Variants in INPP4B observed in about 807,000 individuals in gnomAD.
The protein encoded by INPP4B is inositol polyphosphate 4-phosphatase type II.
In INPP4B, 55 loss-of-function variants were observed where a neutral mutation model predicts 122.5. The ratio of observed to expected loss-of-function variants is 0.45; its 90% confidence interval spans 0.36 to 0.56. The LOEUF (loss-of-function observed/expected upper bound fraction) is 0.56, where lower values mean the gene tolerates loss of function less well. Among genes scored for constraint, INPP4B ranks in the 20% least tolerant of loss-of-function variants. INPP4B has a pLI of 0.00. For synonymous variants in INPP4B, 403 were observed against 388.7 expected (o/e 1.04, Z -0.43); for missense variants, 1,000 against 1,097.7 (o/e 0.91, Z 1.26).
intron 9 of INPP4B, among the ~76,000 whole-genome samples, chr4:142,291,185 C>G (rs1319442038): frequency 6.6e-6 from 1 of 152,128 alleles, no homozygotes; most frequent in East Asian, 1.9e-4. Context: ...ATTCATTAAT[C>G]ATGTCTTCTA....
intron 16 of INPP4B, among the ~76,000 whole-genome samples, chr4:142,165,565 C>T (rs1214047782): frequency 2.0e-5 from 3 of 151,696 alleles, no homozygotes; most frequent in African/African-American, 7.3e-5. Flanking sequence ...TAAAGTCCCC[C>T]AGAAGCATTA....
At chr4:142,801,231 C>G (rs1166565510) in intron 1 of INPP4B, among the ~76,000 whole-genome samples, 1 of 152,170 alleles carries the variant, frequency 6.6e-6, no homozygotes, top group African/African-American at 2.4e-5. Flanking sequence ...AAAGTTCAGA[C>G]AGTAGAACAG....
chr4:142,423,829 A>G, intron 5 of INPP4B: 1 of 440,516 alleles, frequency 2.3e-6, no homozygotes, highest in Non-Finnish European at 4.5e-6. Flanking sequence ...TATAAAAAAA[A>G]AAACCTTTAT....
intron 7 of INPP4B, among the ~76,000 whole-genome samples, chr4:142,374,205 G>T (rs1241582838): frequency 1.3e-5 from 2 of 151,936 alleles, no homozygotes; most frequent in East Asian, 3.9e-4. Context: ...AAGGCTCTCA[G>T]TGCTTAAGTA....
intron 25 of INPP4B, among the ~76,000 whole-genome samples, chr4:142,069,905 A>G (rs1379216689): frequency 1.3e-5 from 2 of 152,246 alleles, no homozygotes; most frequent in Admixed American, 1.3e-4. Flanking sequence ...TACCAGAGGT[A>G]CAAACAGGAA....
At chr4:142,424,887 C>G (rs1497391) in intron 5 of INPP4B, among the ~76,000 whole-genome samples, 2 of 151,636 alleles carry the variant, frequency 1.3e-5, no homozygotes, top group Non-Finnish European at 2.9e-5. Context: ...TCCACATTGC[C>G]TATTATTTAT....
In INPP4B at chr4:142,693,526, A is replaced by T. The variant is rs1362481844; in HGVS notation, c.-191+32313T>A. On this transcript the variant is annotated intron_variant, in intron 2 of 25. Transcript: ENST00000262992. ...AAAAAAAAAAAAAAAAAAAAAAAAA[A>T]AAAAAAAAGCCTGACATCTTTAAGG... Among the ~76,000 whole-genome samples the T allele has an allele frequency of 2.5e-5, 3 of 119,390 alleles. No homozygotes were observed. In the South Asian group the frequency reaches 7.7e-4, roughly 31 times the overall value. The allele number at this position is 119,390 out of a possible 152,430, so 78.3% of individuals were successfully genotyped here.
intron 1 of INPP4B, among the ~76,000 whole-genome samples, chr4:142,829,079 A>C (rs942740280): frequency 4.0e-5 from 6 of 151,136 alleles, no homozygotes; most frequent in African/African-American, 1.5e-4. Flanking sequence ...ACACAACATA[A>C]ATAACTATGC....
intron 7 of INPP4B, among the ~76,000 whole-genome samples, chr4:142,344,854 T>C (rs1381445200): frequency 6.6e-6 from 1 of 152,052 alleles, no homozygotes; most frequent in Non-Finnish European, 1.5e-5. Flanking sequence ...CTTGTACCTC[T>C]GAACTTAAAA....
At chr4:142,651,950 A>G (rs1484372198) in intron 2 of INPP4B, among the ~76,000 whole-genome samples, 4 of 152,252 alleles carry the variant, frequency 2.6e-5, no homozygotes, top group Non-Finnish European at 5.9e-5. Context: ...CCGCTGATGA[A>G]CATCGATACA....
chr4:142,209,817 A>AAT (rs33974155), intron 12 of INPP4B, among the ~76,000 whole-genome samples: 30 of 149,896 alleles, frequency 2.0e-4, no homozygotes, highest in Admixed American at 2.7e-4. Flanking sequence ...AAAAAAAAAA[A>AAT]GCCCAGATAA....
chr4:142,147,965 A>G (rs1204395738), intron 17 of INPP4B, among the ~76,000 whole-genome samples: 1 of 152,166 alleles, frequency 6.6e-6, no homozygotes, highest in Non-Finnish European at 1.5e-5. Flanking sequence ...GATGGTCTTG[A>G]CATCTGGATT....
intron 3 of INPP4B, among the ~76,000 whole-genome samples, chr4:142,436,100 G>A (rs185165135): frequency 3.7e-4 from 56 of 152,288 alleles, no homozygotes; most frequent in African/African-American, 1.2e-3. Context: ...TGGGTCCCGA[G>A]AGGTATTCTC....
intron 2 of INPP4B, among the ~76,000 whole-genome samples, chr4:142,565,809 A>C (rs11942731): frequency 6.6e-6 from 1 of 152,028 alleles, no homozygotes; most frequent in Non-Finnish European, 1.5e-5. Context: ...GAATAAATTG[A>C]CATCAAGAGT....
chr4:142,837,522 G>C (rs1782944018), intron 1 of INPP4B, among the ~76,000 whole-genome samples: 1 of 152,086 alleles, frequency 6.6e-6, no homozygotes, highest in Admixed American at 6.5e-5. Context: ...TGAAAATATT[G>C]TCCTCCCTTT....
At chr4:142,705,712 A>G (rs1762398112) in intron 2 of INPP4B, among the ~76,000 whole-genome samples, 1 of 152,158 alleles carries the variant, frequency 6.6e-6, no homozygotes, top group Non-Finnish European at 1.5e-5. Flanking sequence ...CTAAGCTTTC[A>G]TCTCTTCATC....
At chr4:142,631,860 C>A (rs1011858882) in intron 2 of INPP4B, among the ~76,000 whole-genome samples, 5 of 152,006 alleles carry the variant, frequency 3.3e-5, no homozygotes, top group African/African-American at 1.2e-4. Context: ...GAACAAATTG[C>A]AGACAAATTC....
rs138052910 is a variant in INPP4B at position 142,331,550 on chromosome 4, C to T, written c.373-16788G>A. 3.3e-4 allele frequency among the ~76,000 whole-genome samples: 51 copies of T among 152,252 alleles called. No individual in the cohort carries two copies. The East Asian group carries it at 8.5e-3, about 25-fold the overall frequency. On this transcript the variant is annotated intron_variant, in intron 7 of 25. Coordinates refer to ENST00000262992, the MANE Select transcript of INPP4B (RefSeq NM_001101669.3). ...CACATGCCAGATGATATGATAAAACCGTGTCTCTGAAATCAATGATTTTAA... is the reference window on the plus strand; with the variant it reads ...CACATGCCAGATGATATGATAAAACTGTGTCTCTGAAATCAATGATTTTAA...
intron 2 of INPP4B, among the ~76,000 whole-genome samples, chr4:142,635,520 T>C (rs1028436825): frequency 6.6e-6 from 1 of 152,170 alleles, no homozygotes; most frequent in Non-Finnish European, 1.5e-5. Context: ...TGGAATACCA[T>C]GCAGCCATAA....
Sources: gnomAD v4.1 joint callset for allele counts (sites outside exome capture counted in the v4.1 genomes callset) on GRCh38, gnomAD v4.1.1 for gene constraint, MANE v1.5 for transcripts, NCBI Gene and HGNC (gene_info 2026-07-23, HGNC 2026-07-21) for gene names.